The following MAGI1 variants were observed in gnomAD, a reference collection of about 807,000 sequenced individuals.
MAGI1 encodes the protein membrane-associated guanylate kinase, WW and PDZ domain-containing protein 1.
A neutral mutation model predicts 139.9 loss-of-function variants in MAGI1; 58 were observed. The ratio of observed to expected loss-of-function variants is 0.41; its 90% CI spans 0.34 to 0.52. The LOEUF (loss-of-function observed/expected upper bound fraction) is 0.52. Ranked by LOEUF, MAGI1 falls within the 20% of genes least tolerant of loss-of-function variation. The pLI is 0.12. For missense variants in MAGI1, 1,874 were observed against 1,901.6 expected (o/e 0.99, Z 0.27); for synonymous variants, 812 against 737.9 (o/e 1.10, Z -1.63).
In MAGI1 at chr3:65,659,537, A is replaced by G. The variant is rs370204749; in HGVS notation, c.314-37449T>C. Among the ~76,000 whole-genome samples, 54 of 152,332 alleles carry G rather than the reference A, an allele frequency of 3.5e-4. No homozygotes were observed. In the South Asian group the frequency reaches 0.011, roughly 31 times the overall value. On this transcript the variant is annotated intron_variant, in intron 1 of 22. Coordinates refer to ENST00000402939, the MANE Select transcript of MAGI1 (RefSeq NM_001033057.2). The stretch of plus-strand genomic sequence containing the variant: ...GTAAAACTGGAAGGCAACATAGTTC[A>G]GAGAAATCTCCACCTTTTTCCAGGA...
At chr3:65,508,026 A>G (rs1446542839) in intron 2 of MAGI1, among the ~76,000 whole-genome samples, 1 of 152,236 alleles carries the variant, frequency 6.6e-6, no homozygotes, top group African/African-American at 2.4e-5. Context: ...GTCTTTACCC[A>G]CACTGACTTT....
rs538320407 is a variant in MAGI1 at position 65,378,510 on chromosome 3, A to T, written c.2995+751T>A. ...TCTGTTTTTCCTAGAGCATTTTTAC[A>T]GCCGTATGCTCCTTGTAAAAACTCT... is the stretch of plus-strand genomic sequence containing the variant. On this transcript the variant is annotated intron_variant, in intron 17 of 22. Coordinates refer to ENST00000402939, the MANE Select transcript of MAGI1 (RefSeq NM_001033057.2). Among the ~76,000 whole-genome samples the T allele has an allele frequency of 7.9e-5, 12 of 152,266 alleles. No homozygotes were observed. The South Asian group carries it at 2.1e-3, about 26-fold the overall frequency.
At chr3:65,761,366 T>G (rs748736082) in intron 1 of MAGI1, among the ~76,000 whole-genome samples, 1 of 152,102 alleles carries the variant, frequency 6.6e-6, no homozygotes, top group African/African-American at 2.4e-5. Context: ...TGGAGTCAAA[T>G]GAAGAATACT....
At chr3:65,770,422 A>G (rs2037854671) in intron 1 of MAGI1, among the ~76,000 whole-genome samples, 1 of 152,192 alleles carries the variant, frequency 6.6e-6, no homozygotes, top group African/African-American at 2.4e-5. Flanking sequence ...CACGTGCAGG[A>G]AGAAACTGAC....
intron 1 of MAGI1, among the ~76,000 whole-genome samples, chr3:65,822,297 G>A (rs1238137081): frequency 2.0e-5 from 3 of 152,090 alleles, no homozygotes; most frequent in Admixed American, 2.0e-4. Flanking sequence ...TAAATCCAAG[G>A]CAGGCAGATG....
intron 1 of MAGI1, among the ~76,000 whole-genome samples, chr3:65,712,064 G>A (rs1234699607): frequency 3.3e-5 from 5 of 152,088 alleles, no homozygotes; most frequent in Non-Finnish European, 7.4e-5. Flanking sequence ...CCTAGCAAAT[G>A]GTTGGCTCTT....
chr3:65,630,520 T>C (rs2084233748), intron 1 of MAGI1, among the ~76,000 whole-genome samples: 1 of 152,142 alleles, frequency 6.6e-6, no homozygotes, highest in Non-Finnish European at 1.5e-5. Flanking sequence ...CTATACACCA[T>C]GGAATACTAC....
chr3:65,994,273 C>CAAAAAAAAA lies in MAGI1; in HGVS notation c.313+43714_313+43722dup, dbSNP rs35940908. 4.9e-3 allele frequency among the ~76,000 whole-genome samples: 531 copies of CAAAAAAAAA among 109,310 alleles called. 5 individuals are homozygous for CAAAAAAAAA. Among genetic ancestry groups the CAAAAAAAAA allele is most frequent in the African/African-American group, 0.02 (504 of 25,788 alleles). 71.7% of individuals were successfully genotyped at this position (109,310 alleles called of 152,430 possible). ...TGGGCGACAAAGCAAGACTCCATCTCAAAAAAAAAAAAAAAAACACTGGTA... is the reference window on the plus strand; with the variant it reads ...TGGGCGACAAAGCAAGACTCCATCTCAAAAAAAAAAAAAAAAAAAAAAAAAACACTGGTA... On this transcript the variant is annotated intron_variant, in intron 1 of 22. Coordinates refer to ENST00000402939, the MANE Select transcript of MAGI1 (RefSeq NM_001033057.2).
At chr3:65,837,377 A>G (rs2042872103) in intron 1 of MAGI1, among the ~76,000 whole-genome samples, 1 of 152,182 alleles carries the variant, frequency 6.6e-6, no homozygotes, top group Non-Finnish European at 1.5e-5. Context: ...CAATATGAAA[A>G]TAGGGATGGT....
At chr3:65,664,145 C>A (rs2086367616) in intron 1 of MAGI1, among the ~76,000 whole-genome samples, 1 of 145,320 alleles carries the variant, frequency 6.9e-6, no homozygotes, top group Admixed American at 6.8e-5. Context: ...GGCTTCAGTG[C>A]TGAACAAATT....
intron 1 of MAGI1, among the ~76,000 whole-genome samples, chr3:66,017,643 C>A (rs2067724986): frequency 6.6e-6 from 1 of 152,216 alleles, no homozygotes; most frequent in African/African-American, 2.4e-5. Context: ...GGTACACACA[C>A]TTCACAGCAC....
intron 2 of MAGI1, among the ~76,000 whole-genome samples, chr3:65,577,953 C>T (rs759843419): frequency 6.6e-6 from 1 of 151,742 alleles, no homozygotes; most frequent in African/African-American, 2.4e-5. Flanking sequence ...CTCTCTCTCA[C>T]ACACTCTCAC....
intron 2 of MAGI1, among the ~76,000 whole-genome samples, chr3:65,617,468 C>G (rs1260399334): frequency 6.6e-6 from 1 of 152,178 alleles, no homozygotes; most frequent in Non-Finnish European, 1.5e-5. Context: ...GCAAGAATCT[C>G]AGATGTTGTC....
intron 1 of MAGI1, among the ~76,000 whole-genome samples, chr3:65,915,827 C>T (rs1358734231): frequency 6.6e-6 from 1 of 151,896 alleles, no homozygotes; most frequent in African/African-American, 2.4e-5. Context: ...TTTGTGCTTC[C>T]TTATTTCTAA....
intron 1 of MAGI1, among the ~76,000 whole-genome samples, chr3:65,658,101 C>A (rs570241679): frequency 6.6e-6 from 1 of 152,140 alleles, no homozygotes; most frequent in South Asian, 2.1e-4. Flanking sequence ...AGGAAAATCA[C>A]GAACTTTATC....
chr3:65,811,482 A>G (rs1372559208), intron 1 of MAGI1, among the ~76,000 whole-genome samples: 1 of 152,118 alleles, frequency 6.6e-6, no homozygotes, highest in Non-Finnish European at 1.5e-5. Context: ...ACCTCCACTC[A>G]TCGACCAAGA....
intron 2 of MAGI1, 131 bp downstream of exon 2, chr3:65,621,841 T>C (rs917574346): frequency 4.7e-6 from 3 of 633,276 alleles, no homozygotes; most frequent in Non-Finnish European, 5.6e-6. Flanking sequence ...TTGCTTGAGT[T>C]AAGGAGTCAC....
In MAGI1 at chr3:65,999,418, T is replaced by G. The variant is rs187119359; in HGVS notation, c.313+38578A>C. The stretch of plus-strand genomic sequence containing the variant: ...TTCAATGTGCCAAGCATATGCAATA[T>G]CAAAATTTCACATGTATAAATGATT... On this transcript the variant is annotated intron_variant, in intron 1 of 22. Transcript: ENST00000402939. Among the ~76,000 whole-genome samples, 7 of 152,196 alleles carry G rather than the reference T, an allele frequency of 4.6e-5. No homozygotes were observed. The East Asian group carries it at 1.4e-3, about 29-fold the overall frequency.
At chr3:65,694,204 A>G (rs942477525) in intron 1 of MAGI1, among the ~76,000 whole-genome samples, 18 of 152,148 alleles carry the variant, frequency 1.2e-4, no homozygotes, top group Admixed American at 7.9e-4. Flanking sequence ...TAATACACTC[A>G]AACTCCTTTA....
Sources: allele counts gnomAD v4.1 joint callset (sites outside exome capture counted in the v4.1 genomes callset), GRCh38; gene constraint gnomAD v4.1.1; transcripts MANE v1.5; gene names NCBI Gene and HGNC (gene_info 2026-07-23, HGNC 2026-07-21).